The following LYPLAL1 variants were observed in gnomAD, a reference collection of about 807,000 sequenced individuals.
The protein encoded by LYPLAL1 is lysophospholipase like 1, also known as lysophospholipase-like protein 1.
LYPLAL1 carries 23 observed loss-of-function variants against 19.7 expected under a neutral mutation model. That is an observed-to-expected ratio of 1.17 (90% confidence interval 0.84 to 1.65). LYPLAL1 has a LOEUF of 1.65. Ranked by LOEUF, LYPLAL1 falls within the 40% of genes most tolerant of loss-of-function variation. The probability of loss-of-function intolerance (pLI) is 0.00; values close to 1 mark genes in which losing one functional copy is unlikely to be tolerated. For missense variants in LYPLAL1, 355 were observed against 279.4 expected, an observed-to-expected ratio of 1.27 and a Z score of -1.93; for synonymous variants, 119 against 96.3, an observed-to-expected ratio of 1.24 and a Z score of -1.38.
In LYPLAL1 at chr1:219,209,419, A is replaced by T. The variant is rs1658824347; in HGVS notation, c.362-1113A>T. 2.0e-5 allele frequency among the ~76,000 whole-genome samples: 3 copies of T among 152,214 alleles called. 1 individual carries two copies. In the South Asian group the frequency reaches 6.2e-4, roughly 32 times the overall value. ...TCTATTGCAAAAGATCCGAATTCCAAAATTACTATTAATAGTTTTATATTT... is the reference window on the plus strand; with the variant it reads ...TCTATTGCAAAAGATCCGAATTCCATAATTACTATTAATAGTTTTATATTT... On this transcript the variant is annotated intron_variant, in intron 3 of 4. Coordinates refer to ENST00000366928, the MANE Select transcript of LYPLAL1 (RefSeq NM_138794.5).
At chr1:219,336,161 T>C in the LYPLAL1 span, among the ~76,000 whole-genome samples, 1 of 151,638 alleles carries the variant, frequency 6.6e-6, no homozygotes, top group Non-Finnish European at 1.5e-5. Context: ...GATATCCCCT[T>C]TTATCAAGGA....
chr1:219,273,625 C>A, the LYPLAL1 span, among the ~76,000 whole-genome samples: 1 of 152,196 alleles, frequency 6.6e-6, no homozygotes, highest in Non-Finnish European at 1.5e-5. Flanking sequence ...TCATGATATG[C>A]TGCTGAACTT....
At chr1:219,176,957 A>G (rs1655869706) in intron 1 of LYPLAL1, among the ~76,000 whole-genome samples, 1 of 152,380 alleles carries the variant, frequency 6.6e-6, no homozygotes, top group Non-Finnish European at 1.5e-5. Context: ...AATGAAGTAA[A>G]TAAATACTAT....
the LYPLAL1 span, among the ~76,000 whole-genome samples, chr1:219,348,693 A>G: frequency 6.6e-6 from 1 of 152,190 alleles, no homozygotes; most frequent in Non-Finnish European, 1.5e-5. Context: ...GCAAATGTTC[A>G]GAAGAGCCAG....
chr1:219,322,824 TA>T, the LYPLAL1 span, among the ~76,000 whole-genome samples: 1 of 152,208 alleles, frequency 6.6e-6, no homozygotes, highest in African/African-American at 2.4e-5. Context: ...ATTGAATGCT[TA>T]AATACTGCAG....
At chr1:219,178,503 A>C (rs921170641) in intron 1 of LYPLAL1, among the ~76,000 whole-genome samples, 3 of 152,012 alleles carry the variant, frequency 2.0e-5, no homozygotes, top group Non-Finnish European at 4.4e-5. Flanking sequence ...CCTCCTCAGG[A>C]CTCCATAAGA....
chr1:219,408,546 C>T, the LYPLAL1 span, among the ~76,000 whole-genome samples: 1 of 152,004 alleles, frequency 6.6e-6, no homozygotes, highest in Admixed American at 6.6e-5. Flanking sequence ...ATTAATAACT[C>T]AGTGGAGTGT....
chr1:219,357,745 C>T, the LYPLAL1 span, among the ~76,000 whole-genome samples: 2 of 152,058 alleles, frequency 1.3e-5, no homozygotes, highest in East Asian at 1.9e-4. Flanking sequence ...GATCTGAATG[C>T]AAATGTTCAT....
chr1:219,193,064 G>T lies in LYPLAL1; in HGVS notation c.192-18G>T. The T allele has an allele frequency of 6.6e-7, 1 of 1,514,694 alleles. No individual in the cohort carries two copies. Among genetic ancestry groups the T allele is most frequent in the South Asian group, 1.3e-5 (1 of 77,570 alleles). 93.8% of individuals were successfully genotyped at this position (1,514,694 alleles called of 1,614,324 possible). A position where few individuals can be genotyped will look rare whatever the true frequency, so the allele number is the denominator to read the frequency against. On this transcript the variant is annotated intron_variant, in intron 2 of 4. Coordinates refer to ENST00000366928, the MANE Select transcript of LYPLAL1 (RefSeq NM_138794.5). ...CTTTTCCTTTCTTTTTTTTTGGGGGGGGGCGGTTGTTAAACAGATCATATA... is the reference window on the plus strand; with the variant it reads ...CTTTTCCTTTCTTTTTTTTTGGGGGTGGGCGGTTGTTAAACAGATCATATA...
the LYPLAL1 span, among the ~76,000 whole-genome samples, chr1:219,241,950 T>C: frequency 2.0e-5 from 3 of 152,174 alleles, no homozygotes; most frequent in Non-Finnish European, 2.9e-5. Flanking sequence ...TTAAATAGGA[T>C]GGATTTAAAA....
At chr1:219,443,077 T>C in the LYPLAL1 span, among the ~76,000 whole-genome samples, 1 of 146,906 alleles carries the variant, frequency 6.8e-6, no homozygotes, top group African/African-American at 2.6e-5. Flanking sequence ...TCCAAGAGTT[T>C]CTGCTGGAAA....
chr1:219,201,726 A>G (rs1171197816), intron 3 of LYPLAL1, among the ~76,000 whole-genome samples: 3 of 152,202 alleles, frequency 2.0e-5, no homozygotes, highest in Non-Finnish European at 4.4e-5. Context: ...TGTTAACTGT[A>G]TAGTTCTTTA....
At chr1:219,235,235 C>T in the LYPLAL1 span, among the ~76,000 whole-genome samples, 60 of 152,130 alleles carry the variant, frequency 3.9e-4, no homozygotes, top group Non-Finnish European at 3.8e-4. Flanking sequence ...CACATACTAA[C>T]CAATGTATTT....
chr1:219,265,762 C>G, the LYPLAL1 span, among the ~76,000 whole-genome samples: 1 of 152,100 alleles, frequency 6.6e-6, no homozygotes, highest in African/African-American at 2.4e-5. Flanking sequence ...AAGGTATAGC[C>G]TATTGCTCCT....
the LYPLAL1 span, among the ~76,000 whole-genome samples, chr1:219,346,004 C>A: frequency 1.3e-5 from 2 of 152,120 alleles, no homozygotes; most frequent in African/African-American, 4.8e-5. Flanking sequence ...TGGAGTTGTA[C>A]AAGGAAAGGC....
the LYPLAL1 span, among the ~76,000 whole-genome samples, chr1:219,413,241 A>G: frequency 6.6e-6 from 1 of 152,208 alleles, no homozygotes; most frequent in Non-Finnish European, 1.5e-5. Flanking sequence ...AAGATTTTAT[A>G]TCATCTTCTT....
At chr1:219,347,254 C>G in the LYPLAL1 span, among the ~76,000 whole-genome samples, 1 of 152,106 alleles carries the variant, frequency 6.6e-6, no homozygotes, top group Non-Finnish European at 1.5e-5. Flanking sequence ...CACTTTTTGG[C>G]CATTCTTTTT....
the LYPLAL1 span, among the ~76,000 whole-genome samples, chr1:219,257,771 GA>G: frequency 1.3e-5 from 2 of 152,018 alleles, no homozygotes; most frequent in Non-Finnish European, 2.9e-5. Flanking sequence ...TTAAACAACA[GA>G]AAACAGGGTT....
chr1:219,413,833 C>T, the LYPLAL1 span, among the ~76,000 whole-genome samples: 1 of 152,186 alleles, frequency 6.6e-6, no homozygotes, highest in Non-Finnish European at 1.5e-5. Context: ...TCTCACAAGC[C>T]CACAATCCAA....
Sources: gnomAD v4.1 joint callset for allele counts (sites outside exome capture counted in the v4.1 genomes callset) on GRCh38, gnomAD v4.1.1 for gene constraint, MANE v1.5 for transcripts, NCBI Gene and HGNC (gene_info 2026-07-23, HGNC 2026-07-21) for gene names.